Variants in SLC35F1 observed in about 807,000 individuals in gnomAD.
SLC35F1 encodes the protein chromosome 6 open reading frame 169.
In SLC35F1, 14 loss-of-function variants were observed where a neutral mutation model predicts 48.7. The observed-to-expected ratio is 0.29, with a 90% CI of 0.19 to 0.45. The LOEUF is 0.45. Ranked by LOEUF, SLC35F1 falls within the 20% of genes least tolerant of loss-of-function variation. The pLI, the probability that SLC35F1 is intolerant of heterozygous loss-of-function variation, is 1.00. For synonymous variants in SLC35F1, 190 were observed against 202.2 expected (o/e 0.94, Z 0.51); for missense variants, 404 against 500.0 (o/e 0.81, Z 1.83).
chr6:118,021,506 G>T (rs4132664), intron 1 of SLC35F1, among the ~76,000 whole-genome samples: 1 of 151,908 alleles, frequency 6.6e-6, no homozygotes, highest in African/African-American at 2.4e-5. Context: ...GAAGAGCATT[G>T]TCACAGTGAA....
chr6:118,123,337 C>G (rs1430044399), intron 1 of SLC35F1, among the ~76,000 whole-genome samples: 3 of 152,024 alleles, frequency 2.0e-5, no homozygotes, highest in Non-Finnish European at 4.4e-5. Context: ...AACTCCAGTA[C>G]TTAACTATTG....
At chr6:117,956,355 C>T (rs1044529167) in intron 1 of SLC35F1, among the ~76,000 whole-genome samples, 1 of 152,216 alleles carries the variant, frequency 6.6e-6, no homozygotes, top group African/African-American at 2.4e-5. Flanking sequence ...TGATTCTTTG[C>T]CTTGCCCAGC....
intron 3 of SLC35F1, among the ~76,000 whole-genome samples, chr6:118,252,575 TG>T (rs1215954293): frequency 6.6e-6 from 1 of 152,024 alleles, no homozygotes; most frequent in Non-Finnish European, 1.5e-5. Context: ...TTGGTATAGG[TG>T]GCTGAGTATA....
At chr6:118,146,626 C>T (rs1230643130) in intron 1 of SLC35F1, among the ~76,000 whole-genome samples, 6 of 152,158 alleles carry the variant, frequency 3.9e-5, no homozygotes, top group African/African-American at 1.4e-4. Flanking sequence ...ATTTATTTGA[C>T]TACATGGTTA....
At chr6:117,972,502 T>G (rs544680663) in intron 1 of SLC35F1, among the ~76,000 whole-genome samples, 1 of 152,286 alleles carries the variant, frequency 6.6e-6, no homozygotes, top group East Asian at 1.9e-4. Flanking sequence ...AAGACATACC[T>G]AAGACTGGGT....
chr6:117,963,887 A>G (rs375554756), intron 1 of SLC35F1, among the ~76,000 whole-genome samples: 20 of 152,312 alleles, frequency 1.3e-4, no homozygotes, highest in Admixed American at 9.1e-4. Context: ...AACATGCGCC[A>G]TGGTGGTTTG....
chr6:118,233,735 C>T lies in SLC35F1; in HGVS notation c.350-1774C>T, dbSNP rs147840286. On this transcript the variant is annotated intron_variant, in intron 2 of 7. Transcript: ENST00000360388. ...TAATCAGAGATGGATGTGCATTACC[C>T]AGTTGGGGAAAGGGCTTAGCCAAAA... Among the ~76,000 whole-genome samples the T allele has an allele frequency of 1.2e-3, 187 of 152,232 alleles. 1 individual carries two copies. The highest frequency in any genetic ancestry group is 4.3e-3 in the African/African-American group (178 of 41,522).
chr6:118,105,535 T>C (rs1233746641), intron 1 of SLC35F1, among the ~76,000 whole-genome samples: 1 of 152,236 alleles, frequency 6.6e-6, no homozygotes, highest in Non-Finnish European at 1.5e-5. Flanking sequence ...TGACATTTGT[T>C]TCTACTGCAT....
Position 118,314,590 on chromosome 6 carries a change from A to G in SLC35F1, c.*338A>G, listed in dbSNP as rs892417410. 1.1e-5 allele frequency: 3 copies of G among 281,668 alleles called. No homozygotes were observed. Among genetic ancestry groups the G allele is most frequent in the Non-Finnish European group, 2.1e-5 (3 of 145,342 alleles). The allele number at this position is 281,668 out of a possible 1,614,324, so 17.4% of individuals were successfully genotyped here. On this transcript the variant is annotated 3_prime_UTR_variant, in exon 8 of 8. Transcript: ENST00000360388. ...TGTTACTGTTATTACACCAACTTTC[A>G]GGAGGATGTTTTGTACTCCTGATGG...
intron 2 of SLC35F1, among the ~76,000 whole-genome samples, chr6:118,222,679 A>T (rs1421206195): frequency 6.6e-6 from 1 of 152,212 alleles, no homozygotes; most frequent in East Asian, 1.9e-4. Context: ...TTGGATTTTT[A>T]AAAAATATTT....
chr6:118,219,484 A>C (rs1337951104), intron 2 of SLC35F1, among the ~76,000 whole-genome samples: 2 of 152,200 alleles, frequency 1.3e-5, no homozygotes, highest in Non-Finnish European at 2.9e-5. Context: ...ACCAGTTAGA[A>C]TGGCGATCAT....
At chr6:118,309,090 C>G (rs1027554094) in intron 7 of SLC35F1, among the ~76,000 whole-genome samples, 15 of 152,026 alleles carry the variant, frequency 9.9e-5, no homozygotes, top group African/African-American at 3.4e-4. Flanking sequence ...ACTCACAGTG[C>G]TCAAGGAAAA....
At chr6:117,924,081 G>GTA (rs1443121272) in intron 1 of SLC35F1, among the ~76,000 whole-genome samples, 3 of 131,226 alleles carry the variant, frequency 2.3e-5, no homozygotes, top group African/African-American at 5.9e-5. Context: ...ACATGCATAT[G>GTA]TATATACACA....
intron 1 of SLC35F1, among the ~76,000 whole-genome samples, chr6:118,042,979 C>T (rs1437849285): frequency 3.3e-5 from 5 of 152,070 alleles, no homozygotes; most frequent in African/African-American, 4.8e-5. Flanking sequence ...ATTCCTGCAG[C>T]GCACCCCAGA....
At chr6:118,044,675 C>T (rs1036374751) in intron 1 of SLC35F1, among the ~76,000 whole-genome samples, 1 of 152,044 alleles carries the variant, frequency 6.6e-6, no homozygotes, top group Non-Finnish European at 1.5e-5. Flanking sequence ...AGAATTATTC[C>T]AGCCTTTTGA....
At position 118,275,630 on chromosome 6, in the gene SLC35F1, C is replaced by G. The variant is rs1278033639; in HGVS notation, c.794+15C>G. 2.5e-6 allele frequency: 4 copies of G among 1,612,036 alleles called. No homozygotes were observed. The highest frequency in any genetic ancestry group is 3.4e-6 in the Non-Finnish European group (4 of 1,178,666). Reference sequence around the variant, plus strand: ...GGAATTCAATTGTGAGTAAAAATAACAAGAAATATAGATAGTAGAGGGACT... The same window carrying G: ...GGAATTCAATTGTGAGTAAAAATAAGAAGAAATATAGATAGTAGAGGGACT... On this transcript the variant is annotated intron_variant, in intron 5 of 7. Transcript: ENST00000360388.
chr6:118,164,354 A>C (rs1774284539), intron 2 of SLC35F1, among the ~76,000 whole-genome samples: 1 of 152,214 alleles, frequency 6.6e-6, no homozygotes, highest in African/African-American at 2.4e-5. Context: ...CTCATTTCTA[A>C]GACAATGTCT....
intron 2 of SLC35F1, among the ~76,000 whole-genome samples, chr6:118,226,637 T>C (rs1439232589): frequency 4.6e-5 from 7 of 152,170 alleles, no homozygotes; most frequent in East Asian, 1.9e-4. Flanking sequence ...TTCTCACTCA[T>C]ACATGGAACC....
intron 6 of SLC35F1, among the ~76,000 whole-genome samples, chr6:118,279,186 T>C (rs191134336): frequency 1.4e-4 from 21 of 152,338 alleles, no homozygotes; most frequent in Admixed American, 1.3e-3. Flanking sequence ...AAAAAATTAA[T>C]CAATGGTTGA....
Sources: allele counts gnomAD v4.1 joint callset (sites outside exome capture counted in the v4.1 genomes callset), GRCh38; gene constraint gnomAD v4.1.1; transcripts MANE v1.5; gene names NCBI Gene and HGNC (gene_info 2026-07-23, HGNC 2026-07-21).